POU6F2: variants seen among roughly 807,000 people sequenced by gnomAD.
POU6F2 encodes POU class 6 homeobox 2.
Under a neutral mutation model 71.3 loss-of-function variants are expected in POU6F2, and 31 were observed. The ratio of observed to expected loss-of-function variants is 0.43; its 90% CI spans 0.33 to 0.59. POU6F2 has a LOEUF of 0.59. POU6F2 is among the 20% of genes least tolerant of loss of function. The pLI, the probability that POU6F2 is intolerant of heterozygous loss-of-function variation, is 0.04. For synonymous variants in POU6F2, 347 were observed against 355.7 expected (o/e 0.98, Z 0.27); for missense variants, 783 against 856.8 (o/e 0.91, Z 1.07).
At chr7:39,276,755 A>G (rs1476391288) in intron 4 of POU6F2, among the ~76,000 whole-genome samples, 2 of 152,096 alleles carry the variant, frequency 1.3e-5, no homozygotes, top group Non-Finnish European at 2.9e-5. Context: ...CTTTGTAGGG[A>G]CATGGATGAA....
At chr7:39,107,759 A>T (rs1321128450) in intron 2 of POU6F2, among the ~76,000 whole-genome samples, 1 of 152,182 alleles carries the variant, frequency 6.6e-6, no homozygotes, top group Non-Finnish European at 1.5e-5. Context: ...CTTTACCTGA[A>T]AGGGACCAGG....
At chr7:39,373,605 T>G in intron 5 of POU6F2, 1 of 444,088 alleles carries the variant, frequency 2.3e-6, no homozygotes, top group Non-Finnish European at 4.6e-6. Flanking sequence ...TCTAGCTAAC[T>G]GTATGCATTT....
At chr7:39,238,287 C>T (rs1430111562) in intron 4 of POU6F2, among the ~76,000 whole-genome samples, 1 of 152,116 alleles carries the variant, frequency 6.6e-6, no homozygotes, top group East Asian at 1.9e-4. Flanking sequence ...TAAGGACAAA[C>T]GCCGCCTGAC....
At chr7:38,988,537 T>A (rs1788517726) in intron 1 of POU6F2, among the ~76,000 whole-genome samples, 1 of 152,086 alleles carries the variant, frequency 6.6e-6, no homozygotes, top group East Asian at 1.9e-4. Flanking sequence ...TTCTTGAATG[T>A]CTAATGTTTA....
At chr7:39,046,804 A>G (rs1189890366) in intron 1 of POU6F2, among the ~76,000 whole-genome samples, 1 of 151,896 alleles carries the variant, frequency 6.6e-6, no homozygotes, top group Non-Finnish European at 1.5e-5. Flanking sequence ...ATTGAGAACC[A>G]CTGTTCCAGA....
At chr7:39,166,524 A>G (rs1793119219) in intron 2 of POU6F2, among the ~76,000 whole-genome samples, 1 of 152,158 alleles carries the variant, frequency 6.6e-6, no homozygotes, top group East Asian at 1.9e-4. Flanking sequence ...GTGTTTAGGA[A>G]GAGGTACAAT....
chr7:39,116,201 A>G (rs1012264522), intron 2 of POU6F2, among the ~76,000 whole-genome samples: 39 of 152,314 alleles, frequency 2.6e-4, no homozygotes, highest in African/African-American at 8.7e-4. Context: ...CCTAGGCAAC[A>G]TAGTGAGACT....
chr7:39,310,982 T>C (rs1017784428), intron 4 of POU6F2, among the ~76,000 whole-genome samples: 3 of 152,244 alleles, frequency 2.0e-5, no homozygotes, highest in African/African-American at 7.2e-5. Flanking sequence ...TCATCCTGAA[T>C]TGGGGGGACA....
At chr7:39,309,597 G>A (rs1216651726) in intron 4 of POU6F2, among the ~76,000 whole-genome samples, 1 of 152,170 alleles carries the variant, frequency 6.6e-6, no homozygotes, top group Non-Finnish European at 1.5e-5. Context: ...CAAACTGAAG[G>A]GCATTTAAAG....
chr7:39,176,459 C>T (rs776566701), intron 2 of POU6F2, among the ~76,000 whole-genome samples: 7 of 152,132 alleles, frequency 4.6e-5, no homozygotes, highest in Admixed American at 2.6e-4. Context: ...CTCATGAAGC[C>T]CCCTCTGCTC....
rs572208778 is a variant in POU6F2 at position 39,444,911 on chromosome 7, C to T, written c.1321-6622C>T. 4.3e-3 allele frequency among the ~76,000 whole-genome samples: 647 copies of T among 151,982 alleles called. 4 individuals are homozygous for T. Among genetic ancestry groups the T allele is most frequent in the African/African-American group, 0.014 (593 of 41,442 alleles). Reference sequence around the variant, plus strand: ...ACAGGACTTTTCAGTATCATTAAGGCAGGGAGAGAAAAATGAAAGGAAAAA... The same window carrying T: ...ACAGGACTTTTCAGTATCATTAAGGTAGGGAGAGAAAAATGAAAGGAAAAA... On this transcript the variant is annotated intron_variant, in intron 7 of 9. Transcript: ENST00000518318.
intron 2 of POU6F2, among the ~76,000 whole-genome samples, chr7:39,099,514 G>T (rs184033815): frequency 2.6e-5 from 4 of 152,334 alleles, no homozygotes; most frequent in African/African-American, 9.6e-5. Flanking sequence ...GGATGCTTTT[G>T]TGACCTAATC....
chr7:39,282,100 T>G (rs2128759957), intron 4 of POU6F2, among the ~76,000 whole-genome samples: 1 of 152,282 alleles, frequency 6.6e-6, no homozygotes, highest in East Asian at 1.9e-4. Context: ...CCAAGAAATG[T>G]CTGTTTGGCA....
rs937650205 is a variant in POU6F2 at position 39,465,193 on chromosome 7, C to G, written c.*507C>G. 6.5e-5 allele frequency: 10 copies of G among 153,534 alleles called. No homozygotes were observed. The highest frequency in any genetic ancestry group is 2.4e-4 in the African/African-American group (10 of 41,468). The allele number at this position is 153,534 out of a possible 1,614,324, so 9.5% of individuals were successfully genotyped here. A position where few individuals can be genotyped will look rare whatever the true frequency, so the allele number is the denominator to read the frequency against. On this transcript the variant is annotated 3_prime_UTR_variant, in exon 10 of 10. Transcript: ENST00000518318. ...CCCCTTCAGGTACTAAGTGCTGATT[C>G]ACTATGAAACCTATTAACCAAAGTC...
intron 1 of POU6F2, among the ~76,000 whole-genome samples, chr7:38,989,288 G>A (rs1242207797): frequency 5.9e-5 from 9 of 151,962 alleles, no homozygotes; most frequent in African/African-American, 1.9e-4. Context: ...GACTTATAAA[G>A]TAATCTGAGT....
intron 4 of POU6F2, among the ~76,000 whole-genome samples, chr7:39,278,053 A>G (rs1181841804): frequency 7.6e-6 from 1 of 131,860 alleles, no homozygotes; most frequent in Non-Finnish European, 1.6e-5. Flanking sequence ...TAGCCTGGCG[A>G]CAGAGTGAGA....
At chr7:38,980,604 C>T (rs556303212) in intron 1 of POU6F2, among the ~76,000 whole-genome samples, 3 of 152,180 alleles carry the variant, frequency 2.0e-5, no homozygotes, top group Non-Finnish European at 2.9e-5. Flanking sequence ...TCTTAAATAT[C>T]GTCTTATATC....
At chr7:39,273,521 T>C (rs1784376630) in intron 4 of POU6F2, among the ~76,000 whole-genome samples, 1 of 152,126 alleles carries the variant, frequency 6.6e-6, no homozygotes, top group South Asian at 2.1e-4. Context: ...TTTAAGGTCA[T>C]GAAAAACATA....
At chr7:39,373,705 T>C in intron 5 of POU6F2, 1 of 342,734 alleles carries the variant, frequency 2.9e-6, no homozygotes, top group Non-Finnish European at 5.8e-6. Flanking sequence ...TCATTGATTT[T>C]CTACCCAGTT....
Sources: gnomAD v4.1 joint callset for allele counts (sites outside exome capture counted in the v4.1 genomes callset) on GRCh38, gnomAD v4.1.1 for gene constraint, MANE v1.5 for transcripts, NCBI Gene and HGNC (gene_info 2026-07-23, HGNC 2026-07-21) for gene names.